RTN1: variants seen among roughly 807,000 people sequenced by gnomAD.
RTN1 encodes the protein reticulon 1, also known as reticulon-1.
A neutral mutation model predicts 65.5 loss-of-function variants in RTN1; 25 were observed. The ratio of observed to expected loss-of-function variants is 0.38; its 90% CI spans 0.28 to 0.53. RTN1 has a LOEUF of 0.53. Among genes scored for constraint, RTN1 ranks in the 20% least tolerant of loss-of-function variants. RTN1 has a pLI of 0.79. For synonymous variants in RTN1, 471 were observed against 447.6 expected (o/e 1.05, Z -0.66); for missense variants, 983 against 1,025.4 (o/e 0.96, Z 0.57).
intron 3 of RTN1, among the ~76,000 whole-genome samples, chr14:59,667,700 T>C (rs1302632901): frequency 1.3e-5 from 2 of 152,166 alleles, no homozygotes; most frequent in African/African-American, 4.8e-5. Context: ...TGACTGTATA[T>C]TTAGAAAACC....
intron 1 of RTN1, among the ~76,000 whole-genome samples, chr14:59,772,426 T>C (rs1049588829): frequency 6.6e-6 from 1 of 152,012 alleles, no homozygotes; most frequent in Non-Finnish European, 1.5e-5. Context: ...CAGCATGCTA[T>C]TAGGTAATTT....
chr14:59,662,774 T>A (rs944463522), intron 3 of RTN1, among the ~76,000 whole-genome samples: 5 of 151,936 alleles, frequency 3.3e-5, no homozygotes, highest in Non-Finnish European at 5.9e-5. Context: ...AGAGGACACA[T>A]ACAAATGGAA....
intron 1 of RTN1, among the ~76,000 whole-genome samples, chr14:59,851,855 CAAAAAAA>C (rs5809049): frequency 1.1e-5 from 1 of 88,198 alleles, no homozygotes; most frequent in Non-Finnish European, 2.3e-5. Flanking sequence ...GACACAGTCT[CAAAAAAA>C]AAAAAAAAAA....
chr14:59,782,340 A>G (rs779770083), intron 1 of RTN1, among the ~76,000 whole-genome samples: 23 of 152,236 alleles, frequency 1.5e-4, no homozygotes, highest in Admixed American at 7.8e-4. Flanking sequence ...AACCAGCAAC[A>G]CTATCTAACA....
At chr14:59,741,968 T>C (rs1276179656) in intron 2 of RTN1, among the ~76,000 whole-genome samples, 3 of 152,214 alleles carry the variant, frequency 2.0e-5, no homozygotes, top group Non-Finnish European at 1.5e-5. Flanking sequence ...TGTTTATTTA[T>C]GGGTTTGTTT....
At chr14:59,629,259 C>T (rs1321837742) in intron 3 of RTN1, among the ~76,000 whole-genome samples, 1 of 152,162 alleles carries the variant, frequency 6.6e-6, no homozygotes, top group South Asian at 2.1e-4. Context: ...TATGTCATTG[C>T]CACCCAATCC....
intron 3 of RTN1, among the ~76,000 whole-genome samples, chr14:59,619,594 G>A (rs1188451298): frequency 6.6e-6 from 1 of 152,144 alleles, no homozygotes; most frequent in Non-Finnish European, 1.5e-5. Flanking sequence ...ATTCTATGTG[G>A]AAACGATGAC....
intron 3 of RTN1, among the ~76,000 whole-genome samples, chr14:59,657,818 C>A (rs1883154606): frequency 6.6e-6 from 1 of 151,802 alleles, no homozygotes; most frequent in Admixed American, 6.6e-5. Flanking sequence ...ACTGGACAGC[C>A]ATTTGGGCAG....
At chr14:59,801,820 T>G (rs984704955) in intron 1 of RTN1, among the ~76,000 whole-genome samples, 6 of 152,230 alleles carry the variant, frequency 3.9e-5, no homozygotes, top group African/African-American at 1.4e-4. Flanking sequence ...TCTTCTATAC[T>G]TAGAGAAAAT....
rs143494633 is a variant in RTN1 at position 59,855,720 on chromosome 14, C to G, written c.241+14670G>C. Among the ~76,000 whole-genome samples, 750 of 152,296 alleles carry G rather than the reference C, an allele frequency of 4.9e-3. 11 individuals are homozygous for G. Among genetic ancestry groups the G allele is most frequent in the African/African-American group, 0.017 (710 of 41,566 alleles). On this transcript the variant is annotated intron_variant, in intron 1 of 8. Transcript: ENST00000267484. ...GAAGTCCAGGTTTTCCACTCAGTCT[C>G]ATCACTGAGCAGTGATGAAACTCCT... is the stretch of plus-strand genomic sequence containing the variant.
chr14:59,726,938 C>T lies in RTN1; in HGVS notation c.1746G>A (p.Leu582=). 1 of 1,612,682 alleles carries T rather than the reference C, an allele frequency of 6.2e-7. No individual in the cohort carries two copies. Among genetic ancestry groups the T allele is most frequent in the Non-Finnish European group, 8.5e-7 (1 of 1,179,438 alleles). Reference sequence around the variant, plus strand: ...CTTTACCTTTTTGCTTATTGAGAAACAGCAGTGGGGGCGGGGCGCCAGGAC... The same window carrying T: ...CTTTACCTTTTTGCTTATTGAGAAATAGCAGTGGGGGCGGGGCGCCAGGAC... The part of the protein sequence containing the change: ...PLGPGAPPPL[L]FLNKQKAIDL... The change falls in exon 3 of 9, where the codon CTG becomes CTA. Residue 582 remains leucine, a synonymous_variant. Transcript: ENST00000267484.
Position 59,749,113 on chromosome 14 carries a change from T to G in RTN1, c.242-2632A>C, listed in dbSNP as rs1449689206. Among the ~76,000 whole-genome samples the G allele has an allele frequency of 8.0e-4, 44 of 55,068 alleles. 1 individual carries two copies. The South Asian group carries it at 9.0e-3, about 11-fold the overall frequency. The allele number at this position is 55,068 out of a possible 152,430, so 36.1% of individuals were successfully genotyped here. A position where few individuals can be genotyped will look rare whatever the true frequency, so the allele number is the denominator to read the frequency against. ...ATCTATATATATATCTATATATATA[T>G]ATATATATATAGATATATCTATATC... On this transcript the variant is annotated intron_variant, in intron 1 of 8. Transcript: ENST00000267484.
chr14:59,743,582 T>A (rs1885155956), intron 2 of RTN1, among the ~76,000 whole-genome samples: 1 of 152,174 alleles, frequency 6.6e-6, no homozygotes, highest in East Asian at 1.9e-4. Flanking sequence ...GCAAGACGTA[T>A]CTAATCCACC....
At chr14:59,869,780 G>A (rs1208977542) in intron 1 of RTN1, among the ~76,000 whole-genome samples, 1 of 152,208 alleles carries the variant, frequency 6.6e-6, no homozygotes. Flanking sequence ...TTGCAAAGCT[G>A]TGCCTCCCGA....
At chr14:59,618,254 A>T (rs897748118) in intron 3 of RTN1, among the ~76,000 whole-genome samples, 33 of 152,228 alleles carry the variant, frequency 2.2e-4, no homozygotes, top group Non-Finnish European at 1.2e-4. Flanking sequence ...TTTAGGAGTC[A>T]TGCAGCTGGA....
chr14:59,815,684 T>C (rs1251359816), intron 1 of RTN1, among the ~76,000 whole-genome samples: 1 of 152,170 alleles, frequency 6.6e-6, no homozygotes, highest in African/African-American at 2.4e-5. Context: ...GCCTGGCTCA[T>C]CCCAGTTCTC....
intron 1 of RTN1, among the ~76,000 whole-genome samples, chr14:59,833,494 G>T (rs181248955): frequency 6.6e-6 from 1 of 152,054 alleles, no homozygotes; most frequent in East Asian, 1.9e-4. Context: ...AAGTGACATG[G>T]TTTACACACT....
intron 3 of RTN1, among the ~76,000 whole-genome samples, chr14:59,689,643 G>A (rs918931277): frequency 5.9e-5 from 9 of 152,176 alleles, no homozygotes; most frequent in Non-Finnish European, 1.0e-4. Flanking sequence ...GAAAGATGGG[G>A]AGCCTATTTT....
intron 1 of RTN1, among the ~76,000 whole-genome samples, chr14:59,759,293 A>G (rs143970346): frequency 1.3e-3 from 194 of 152,282 alleles, no homozygotes; most frequent in African/African-American, 4.5e-3. Flanking sequence ...CACACTTAGT[A>G]AATGTTGTAG....
Sources: gnomAD v4.1 joint callset for allele counts (sites outside exome capture counted in the v4.1 genomes callset) on GRCh38, gnomAD v4.1.1 for gene constraint, MANE v1.5 for transcripts, NCBI Gene and HGNC (gene_info 2026-07-23, HGNC 2026-07-21) for gene names.